The following MYRFL variants were observed in gnomAD, a reference collection of about 807,000 sequenced individuals.
MYRFL encodes myelin regulatory factor-like protein.
In MYRFL, 88 loss-of-function variants were observed where a neutral mutation model predicts 109.4. That is an observed-to-expected ratio of 0.80 (90% confidence interval 0.68 to 0.96). The LOEUF (loss-of-function observed/expected upper bound fraction) is 0.96, where lower values mean the gene tolerates loss of function less well. MYRFL is among the 40% of genes least tolerant of loss of function. The pLI is 0.00. For missense variants in MYRFL, 957 were observed against 954.9 expected, an observed-to-expected ratio of 1.00 and a Z score of -0.03; for synonymous variants, 324 against 320.9, an observed-to-expected ratio of 1.01 and a Z score of -0.10.
intron 2 of MYRFL, among the ~76,000 whole-genome samples, chr12:69,863,850 T>C (rs948438119): frequency 6.6e-6 from 1 of 152,224 alleles, no homozygotes; most frequent in Non-Finnish European, 1.5e-5. Flanking sequence ...TGATAGATTT[T>C]CTTAGTTTTC....
chr12:69,943,954 CAG>C (rs1324075051), intron 19 of MYRFL, among the ~76,000 whole-genome samples: 1 of 149,000 alleles, frequency 6.7e-6, no homozygotes, highest in Non-Finnish European at 1.5e-5. Flanking sequence ...CACTGGCCAT[CAG>C]AGAAATGCAA....
rs150718780 is a variant in MYRFL at position 69,889,589 on chromosome 12, T to G, written c.708-1382T>G. ...TTTTGGATCGGCTGGGCGCAGTGGC[T>G]CACGCCTGTAATCCCAGCACTCTGG... is the stretch of plus-strand genomic sequence containing the variant. On this transcript the variant is annotated intron_variant, in intron 6 of 24. Coordinates refer to ENST00000552032, the MANE Select transcript of MYRFL (RefSeq NM_182530.3). Among the ~76,000 whole-genome samples the G allele has an allele frequency of 1.1e-3, 169 of 152,286 alleles. 1 individual carries two copies. Among genetic ancestry groups the G allele is most frequent in the African/African-American group, 3.9e-3 (163 of 41,580 alleles).
chr12:69,835,600 T>C (rs1841971346), intron 1 of MYRFL, among the ~76,000 whole-genome samples: 1 of 152,212 alleles, frequency 6.6e-6, no homozygotes, highest in East Asian at 1.9e-4. Flanking sequence ...GTATATGTAG[T>C]GGATTCCGTA....
intron 5 of MYRFL, among the ~76,000 whole-genome samples, chr12:69,881,911 G>T (rs1363362481): frequency 6.6e-6 from 1 of 152,122 alleles, no homozygotes; most frequent in South Asian, 2.1e-4. Flanking sequence ...GACATAAAAG[G>T]CTGAGTAAAT....
rs1447687398 is a variant in MYRFL, at chr12:69,952,888, T to C, written c.2375+2T>C. The stretch of plus-strand genomic sequence containing the variant: ...TTGCATTCAAAGCCTCCAGTGCGGG[T>C]AGGTAAGCCTCCCCAGCATGCCCTG... On this transcript the variant is annotated splice_donor_variant, in intron 21 of 24. Coordinates refer to ENST00000552032, the MANE Select transcript of MYRFL (RefSeq NM_182530.3). LOFTEE classifies it high-confidence loss of function. The C allele has an allele frequency of 2.6e-6, 4 of 1,529,848 alleles. No individual in the cohort carries two copies. 94.8% of individuals were successfully genotyped at this position (1,529,848 alleles called of 1,614,324 possible).
chr12:69,886,864 G>A lies in MYRFL; in HGVS notation c.601G>A (p.Glu201Lys). 1 of 1,535,974 alleles carries A rather than the reference G, an allele frequency of 6.5e-7. No individual in the cohort carries two copies. Among genetic ancestry groups the A allele is most frequent in the South Asian group, 1.2e-5 (1 of 84,058 alleles). The change falls in exon 6 of 25, where the codon GAG (glutamate) becomes AAG (lysine). Residue 201 changes from glutamate to lysine, a missense_variant. By Grantham distance (56) the Glu-to-Lys change is moderately conservative (BLOSUM62 1). Coordinates refer to ENST00000552032, the MANE Select transcript of MYRFL (RefSeq NM_182530.3). ...CAGTGAAGTCCAGGACCCTGACAGT[G>A]AGGGACAGAACAGAATGCCTACAGA... Reference protein sequence around the residue: ...RSSEVQDPDSEGQNRMPTDQC... With the variant: ...RSSEVQDPDSKGQNRMPTDQC...
chr12:69,942,801 C>G (rs1955703631), intron 19 of MYRFL, among the ~76,000 whole-genome samples: 1 of 151,530 alleles, frequency 6.6e-6, no homozygotes, highest in Admixed American at 6.6e-5. Flanking sequence ...TGTCTCAGCC[C>G]AAAATCTCCT....
chr12:69,874,598 T>C (rs1404219549), intron 2 of MYRFL, among the ~76,000 whole-genome samples: 1 of 152,250 alleles, frequency 6.6e-6, no homozygotes, highest in Non-Finnish European at 1.5e-5. Flanking sequence ...CCCTTTAGCC[T>C]GAATAACTGT....
At chr12:69,936,367 C>G in intron 18 of MYRFL, 32 bp downstream of exon 18, 1 of 1,534,596 alleles carries the variant, frequency 6.5e-7, no homozygotes, top group African/African-American at 1.4e-5. Flanking sequence ...CCCTCAAACC[C>G]GGTTTCAAGT....
chr12:69,866,995 A>G (rs11177915), intron 2 of MYRFL, among the ~76,000 whole-genome samples: 5,859 of 152,326 alleles, frequency 0.038, 143 homozygotes, highest in East Asian at 0.11. Flanking sequence ...CGTGGGCCCC[A>G]TTTGGGACGC....
intron 2 of MYRFL, among the ~76,000 whole-genome samples, chr12:69,857,276 T>C (rs1022901436): frequency 1.2e-4 from 18 of 152,052 alleles, no homozygotes; most frequent in East Asian, 1.2e-3. Flanking sequence ...GTACATGATC[T>C]TTATTACTGT....
intron 15 of MYRFL, among the ~76,000 whole-genome samples, chr12:69,929,227 G>T (rs571962672): frequency 6.6e-6 from 1 of 152,262 alleles, no homozygotes; most frequent in African/African-American, 2.4e-5. Context: ...CAGGGTCAGG[G>T]ACTCATATAG....
At position 69,844,262 on chromosome 12, in the gene MYRFL, A is replaced by G. The variant is rs1883403229; in HGVS notation, c.47-11018A>G. On this transcript the variant is annotated intron_variant, in intron 1 of 24. Transcript: ENST00000552032. ...GCAAGCCACATCAGGCAGGTCCTAG[A>G]GCTGTGGCCCATCTCCTATTTCTAC... Among the ~76,000 whole-genome samples, 4 of 152,100 alleles carry G rather than the reference A, an allele frequency of 2.6e-5. No individual in the cohort carries two copies. The South Asian group carries it at 8.3e-4, about 32-fold the overall frequency.
At chr12:69,924,518 G>A (rs1955011851) in intron 13 of MYRFL, among the ~76,000 whole-genome samples, 2 of 151,354 alleles carry the variant, frequency 1.3e-5, no homozygotes, top group South Asian at 4.1e-4. Flanking sequence ...CCTATTAATG[G>A]ACATTTTGTT....
chr12:69,937,859 C>A (rs1396068136), intron 19 of MYRFL, among the ~76,000 whole-genome samples: 2 of 152,208 alleles, frequency 1.3e-5, no homozygotes, highest in African/African-American at 4.8e-5. Context: ...AAATTGTCAT[C>A]ATCATCATGA....
intron 5 of MYRFL, among the ~76,000 whole-genome samples, chr12:69,884,269 G>A (rs563601115): frequency 7.2e-5 from 11 of 152,342 alleles, no homozygotes; most frequent in Admixed American, 5.2e-4. Context: ...AGGAGACATT[G>A]TTAGTAGTAT....
chr12:69,930,280 C>T (rs898227903), intron 15 of MYRFL, among the ~76,000 whole-genome samples: 1 of 152,028 alleles, frequency 6.6e-6, no homozygotes, highest in Non-Finnish European at 1.5e-5. Flanking sequence ...CCTGGCTGGG[C>T]CCTGCCTTTA....
chr12:69,870,868 G>A (rs1018169474), intron 2 of MYRFL, among the ~76,000 whole-genome samples: 3 of 152,120 alleles, frequency 2.0e-5, no homozygotes, highest in Non-Finnish European at 2.9e-5. Flanking sequence ...TTTGGTTCTC[G>A]TTAAGGGACT....
At chr12:69,933,199 C>A (rs1386586368) in intron 16 of MYRFL, among the ~76,000 whole-genome samples, 1 of 152,182 alleles carries the variant, frequency 6.6e-6, no homozygotes, top group Non-Finnish European at 1.5e-5. Context: ...ACCATCCCGC[C>A]TCTGCAGCCC....
Sources: allele counts gnomAD v4.1 joint callset (sites outside exome capture counted in the v4.1 genomes callset), GRCh38; gene constraint gnomAD v4.1.1; transcripts MANE v1.5; gene names NCBI Gene and HGNC (gene_info 2026-07-23, HGNC 2026-07-21).